Variants in PRELID2 observed in about 807,000 individuals in gnomAD.
PRELID2 encodes the protein PRELI domain containing 2.
A neutral mutation model predicts 28.4 loss-of-function variants in PRELID2; 25 were observed. That is an observed-to-expected ratio of 0.88 (90% CI 0.64 to 1.23). PRELID2 has a LOEUF of 1.23. Among genes scored for constraint, PRELID2 ranks in the 50% most tolerant of loss-of-function variants. PRELID2 has a pLI of 0.00. For synonymous variants in PRELID2, 76 were observed against 71.6 expected (o/e 1.06, Z -0.31); for missense variants, 201 against 214.4 (o/e 0.94, Z 0.39).
chr5:145,332,631 T>A, the PRELID2 span, among the ~76,000 whole-genome samples: 2 of 152,054 alleles, frequency 1.3e-5, no homozygotes, highest in Non-Finnish European at 2.9e-5. Context: ...TCATTTATGT[T>A]CTTCTCTAAA....
chr5:145,796,560 C>A lies in PRELID2; in HGVS notation c.369-13G>T, dbSNP rs1299478790. On this transcript the variant is annotated splice_polypyrimidine_tract_variant and intron_variant, in intron 4 of 6. Transcript: ENST00000683046. ...AATGAACTCTGTCCTGCAAAAAAAACAAAAAACACATCTTTGATGTCATTC... is the reference window on the plus strand; with the variant it reads ...AATGAACTCTGTCCTGCAAAAAAAAAAAAAAACACATCTTTGATGTCATTC... The A allele has an allele frequency of 5.3e-6, 8 of 1,523,782 alleles. No homozygotes were observed. The Admixed American group carries it at 5.5e-5, about 11-fold the overall frequency. 94.4% of individuals were successfully genotyped at this position (1,523,782 alleles called of 1,614,324 possible). A position where few individuals can be genotyped will look rare whatever the true frequency, so the allele number is the denominator to read the frequency against.
chr5:145,359,659 A>G, the PRELID2 span, among the ~76,000 whole-genome samples: 45 of 152,300 alleles, frequency 3.0e-4, no homozygotes, highest in Admixed American at 1.6e-3. Context: ...CTGGAAGGCT[A>G]TGTACTGGTA....
downstream of PRELID2, among the ~76,000 whole-genome samples, chr5:145,752,725 AATAACT>A (rs1389408181): frequency 1.3e-5 from 2 of 152,148 alleles, no homozygotes; most frequent in Non-Finnish European, 2.9e-5. Flanking sequence ...CGCCATTTAC[AATAACT>A]ATATTTTGGG....
chr5:145,592,651 A>G (rs541540167), intron 1 of PRELID2, among the ~76,000 whole-genome samples: 16 of 152,306 alleles, frequency 1.1e-4, no homozygotes, highest in Admixed American at 6.5e-4. Context: ...AATTTTTGGA[A>G]TTGATTCTTT....
the PRELID2 span, among the ~76,000 whole-genome samples, chr5:145,438,945 T>A: frequency 6.6e-6 from 1 of 152,300 alleles, no homozygotes; most frequent in African/African-American, 2.4e-5. Flanking sequence ...AATCACACAG[T>A]GTGCTGCCTT....
chr5:145,646,179 T>C (rs1465120423), intron 1 of PRELID2, among the ~76,000 whole-genome samples: 2 of 152,214 alleles, frequency 1.3e-5, no homozygotes, highest in Non-Finnish European at 2.9e-5. Flanking sequence ...CATTCAAACG[T>C]AGATTTGGTC....
chr5:145,504,435 G>C (rs1030623194), intron 1 of PRELID2, among the ~76,000 whole-genome samples: 13 of 152,132 alleles, frequency 8.5e-5, no homozygotes, highest in Admixed American at 7.2e-4. Flanking sequence ...TTCGCCAAAA[G>C]GCTGAGAAGC....
intron 1 of PRELID2, among the ~76,000 whole-genome samples, chr5:145,686,246 G>A (rs1561544015): frequency 6.6e-6 from 1 of 152,088 alleles, no homozygotes; most frequent in Non-Finnish European, 1.5e-5. Context: ...CTCCCTGTAG[G>A]TAGGGACCAC....
chr5:145,620,531 C>G (rs1365883695), intron 1 of PRELID2, among the ~76,000 whole-genome samples: 1 of 152,166 alleles, frequency 6.6e-6, no homozygotes, highest in Non-Finnish European at 1.5e-5. Flanking sequence ...GTACCCTCCT[C>G]TCAATTTTAC....
the PRELID2 span, among the ~76,000 whole-genome samples, chr5:145,405,027 T>C: frequency 2.0e-5 from 3 of 152,198 alleles, no homozygotes; most frequent in East Asian, 1.9e-4. Flanking sequence ...TCAGATTTCA[T>C]TTAAAGAAAG....
chr5:145,620,836 C>CAA (rs1270255052), intron 1 of PRELID2, among the ~76,000 whole-genome samples: 1 of 151,598 alleles, frequency 6.6e-6, no homozygotes, highest in African/African-American at 2.4e-5. Flanking sequence ...CACACACACA[C>CAA]ACACACAAAA....
At chr5:145,696,669 G>A (rs888039177) in intron 1 of PRELID2, among the ~76,000 whole-genome samples, 9 of 151,616 alleles carry the variant, frequency 5.9e-5, no homozygotes, top group South Asian at 2.1e-4. Flanking sequence ...GCACCATGTC[G>A]CCCAGGCTGG....
intron 4 of PRELID2, among the ~76,000 whole-genome samples, chr5:145,817,432 T>TATTTATATATATATATATATAA (rs1214821501): frequency 3.7e-5 from 5 of 136,654 alleles, no homozygotes; most frequent in Admixed American, 1.5e-4. Context: ...TATATATATA[T>TATTTATATATATATATATATAA]ATATATATAT....
the PRELID2 span, among the ~76,000 whole-genome samples, chr5:145,233,045 T>G: frequency 1.3e-5 from 2 of 152,028 alleles, no homozygotes; most frequent in Admixed American, 6.6e-5. Context: ...ACCCCTGCTA[T>G]TTGAAATAAC....
At chr5:145,275,607 G>A in the PRELID2 span, among the ~76,000 whole-genome samples, 1 of 152,174 alleles carries the variant, frequency 6.6e-6, no homozygotes, top group Admixed American at 6.6e-5. Context: ...GGAGCCATAA[G>A]CGGATGTCAG....
At chr5:145,376,355 C>T in the PRELID2 span, among the ~76,000 whole-genome samples, 1 of 152,050 alleles carries the variant, frequency 6.6e-6, no homozygotes, top group African/African-American at 2.4e-5. Flanking sequence ...CTAAAGTTTT[C>T]TCTTTTTCTG....
the PRELID2 span, among the ~76,000 whole-genome samples, chr5:145,280,816 AAC>A: frequency 2.2e-3 from 325 of 151,076 alleles, 2 homozygotes; most frequent in African/African-American, 7.5e-3. Context: ...AAAAAAAAAA[AAC>A]AGATTGCTAC....
intron 1 of PRELID2, among the ~76,000 whole-genome samples, chr5:145,575,629 T>C (rs1315932241): frequency 1.3e-5 from 2 of 152,268 alleles, no homozygotes; most frequent in African/African-American, 4.8e-5. Flanking sequence ...AAATACCTAA[T>C]CACATCTTGC....
chr5:145,313,207 T>G, the PRELID2 span, among the ~76,000 whole-genome samples: 1 of 152,190 alleles, frequency 6.6e-6, no homozygotes, highest in African/African-American at 2.4e-5. Flanking sequence ...ATTAATGCAG[T>G]TATACCTTCA....
Sources: allele counts gnomAD v4.1 joint callset (sites outside exome capture counted in the v4.1 genomes callset), GRCh38; gene constraint gnomAD v4.1.1; transcripts MANE v1.5; gene names NCBI Gene and HGNC (gene_info 2026-07-23, HGNC 2026-07-21).